Variants in TMEM232 observed in about 807,000 individuals in gnomAD.
TMEM232 encodes transmembrane protein 232.
TMEM232 carries 80 observed loss-of-function variants against 78.8 expected under a neutral mutation model. That is an observed-to-expected ratio of 1.01 (90% CI 0.85 to 1.22). The LOEUF (loss-of-function observed/expected upper bound fraction) is 1.22, where lower values mean the gene tolerates loss of function less well. TMEM232 is among the 50% of genes most tolerant of loss of function. The pLI is 0.00. For missense variants in TMEM232, 881 were observed against 742.2 expected (o/e 1.19, Z -2.17); for synonymous variants, 297 against 254.3 (o/e 1.17, Z -1.60).
At chr5:110,442,266 G>C (rs759227544) in intron 12 of TMEM232, among the ~76,000 whole-genome samples, 1 of 151,686 alleles carries the variant, frequency 6.6e-6, no homozygotes, top group East Asian at 1.9e-4. Context: ...TTCCCCTTTC[G>C]AGGTTATTTT....
At chr5:110,736,865 C>G (rs1799223885) in intron 1 of TMEM232, among the ~76,000 whole-genome samples, 1 of 151,984 alleles carries the variant, frequency 6.6e-6, no homozygotes, top group Admixed American at 6.6e-5. Flanking sequence ...CACTGGCTAC[C>G]TAGTTTGCTA....
intron 1 of TMEM232, among the ~76,000 whole-genome samples, chr5:110,670,860 C>A (rs1791262552): frequency 6.6e-6 from 1 of 151,650 alleles, no homozygotes; most frequent in Non-Finnish European, 1.5e-5. Flanking sequence ...CACATGTAGC[C>A]TAAAAGAACA....
intron 10 of TMEM232, among the ~76,000 whole-genome samples, chr5:110,588,903 C>T (rs1451392071): frequency 6.6e-6 from 1 of 152,052 alleles, no homozygotes; most frequent in African/African-American, 2.4e-5. Context: ...CTAAATATTT[C>T]ACCCTCTTAT....
At chr5:110,497,741 T>C (rs1467189470) in intron 12 of TMEM232, among the ~76,000 whole-genome samples, 4 of 152,228 alleles carry the variant, frequency 2.6e-5, no homozygotes, top group Non-Finnish European at 2.9e-5. Context: ...TACACACTTA[T>C]GGTATTTTTC....
intron 10 of TMEM232, among the ~76,000 whole-genome samples, chr5:110,579,118 T>C (rs1374319250): frequency 1.3e-5 from 2 of 151,658 alleles, no homozygotes; most frequent in Non-Finnish European, 3.0e-5. Context: ...CAACTTGTCA[T>C]GTCAAGGGGA....
downstream of TMEM232, chr5:110,417,976 C>G (rs1018504811): frequency 3.3e-5 from 5 of 152,144 alleles, no homozygotes; most frequent in African/African-American, 4.8e-5. Flanking sequence ...TGTGCCCCCT[C>G]AAAAGTACCA....
chr5:110,406,664 T>C (rs532583203), intron 2 of TMEM232, among the ~76,000 whole-genome samples: 1 of 152,048 alleles, frequency 6.6e-6, no homozygotes, highest in Non-Finnish European at 1.5e-5. Flanking sequence ...CTGGTAAAAT[T>C]AAGTACATGA....
intron 13 of TMEM232, among the ~76,000 whole-genome samples, chr5:110,422,347 C>G (rs568153674): frequency 1.7e-4 from 26 of 151,442 alleles, no homozygotes; most frequent in African/African-American, 6.1e-4. Context: ...AACGCCGTCT[C>G]TACTAAACAA....
chr5:110,397,739 T>A (rs1715304466), intron 3 of TMEM232: 1 of 152,616 alleles, frequency 6.6e-6, no homozygotes, highest in South Asian at 2.1e-4. Flanking sequence ...AAAGTAAAAA[T>A]TATTGTTAGA....
downstream of TMEM232, among the ~76,000 whole-genome samples, chr5:110,415,788 T>G (rs1429270776): frequency 6.6e-6 from 1 of 152,112 alleles, no homozygotes; most frequent in African/African-American, 2.4e-5. Context: ...TTGCTAACAG[T>G]CTGGCTATGT....
chr5:110,487,618 ACT>A (rs1764607516), intron 12 of TMEM232, among the ~76,000 whole-genome samples: 1 of 152,048 alleles, frequency 6.6e-6, no homozygotes, highest in South Asian at 2.1e-4. Context: ...ACATTTACTA[ACT>A]TGCATGTTAA....
chr5:110,736,257 G>A (rs996046557), intron 1 of TMEM232, among the ~76,000 whole-genome samples: 1 of 152,104 alleles, frequency 6.6e-6, no homozygotes, highest in African/African-American at 2.4e-5. Flanking sequence ...CTTTCATAGT[G>A]CTCTAGAGAC....
At chr5:110,655,709 T>C (rs1057085475) in intron 2 of TMEM232, among the ~76,000 whole-genome samples, 9 of 151,462 alleles carry the variant, frequency 5.9e-5, no homozygotes, top group Non-Finnish European at 1.3e-4. Context: ...ATATACACCA[T>C]GGAATACTAT....
intron 10 of TMEM232, among the ~76,000 whole-genome samples, chr5:110,569,058 A>G (rs957028361): frequency 2.6e-5 from 4 of 151,920 alleles, no homozygotes; most frequent in Non-Finnish European, 5.9e-5. Context: ...GAAACATGGT[A>G]TTTGAACCAA....
intron 12 of TMEM232, among the ~76,000 whole-genome samples, chr5:110,478,436 C>A (rs1204615697): frequency 2.6e-5 from 4 of 151,854 alleles, no homozygotes; most frequent in Non-Finnish European, 5.9e-5. Context: ...CGATAATTGT[C>A]TCTATAACTC....
intron 12 of TMEM232, among the ~76,000 whole-genome samples, chr5:110,518,589 T>C (rs1458875731): frequency 6.6e-6 from 1 of 152,162 alleles, no homozygotes; most frequent in East Asian, 1.9e-4. Flanking sequence ...CAAATCTATA[T>C]GTCTTCCTCA....
chr5:110,629,862 T>C (rs1206545124), intron 5 of TMEM232, among the ~76,000 whole-genome samples: 3 of 152,168 alleles, frequency 2.0e-5, no homozygotes, highest in Non-Finnish European at 4.4e-5. Context: ...ATTAAGAATA[T>C]TGTACACTTA....
chr5:110,411,175 T>C (rs13156184), intron 2 of TMEM232, among the ~76,000 whole-genome samples: 3,340 of 152,256 alleles, frequency 0.022, 47 homozygotes, highest in Middle Eastern at 0.054. Context: ...AGCTTATCTC[T>C]GGTCTCCCTG....
At chr5:110,677,785 C>G (rs1580629012) in intron 1 of TMEM232, among the ~76,000 whole-genome samples, 1 of 152,080 alleles carries the variant, frequency 6.6e-6, no homozygotes, top group Non-Finnish European at 1.5e-5. Flanking sequence ...ATTTAACATT[C>G]TTAAATTGAT....
Sources: allele counts gnomAD v4.1 joint callset (sites outside exome capture counted in the v4.1 genomes callset), GRCh38; gene constraint gnomAD v4.1.1; transcripts MANE v1.5; gene names NCBI Gene and HGNC (gene_info 2026-07-23, HGNC 2026-07-21).